TASP1: variants seen among roughly 807,000 people sequenced by gnomAD.
TASP1 encodes taspase 1, also known as threonine aspartase 1.
A neutral mutation model predicts 56.6 loss-of-function variants in TASP1; 16 were observed. The ratio of observed to expected loss-of-function variants is 0.28; its 90% confidence interval spans 0.19 to 0.43. The LOEUF (loss-of-function observed/expected upper bound fraction) is 0.43. Among genes scored for constraint, TASP1 ranks in the 20% least tolerant of loss-of-function variants. The pLI, the probability that TASP1 is intolerant of heterozygous loss-of-function variation, is 1.00. For missense variants in TASP1, 393 were observed against 511.6 expected (o/e 0.77, Z 2.24); for synonymous variants, 179 against 184.2 (o/e 0.97, Z 0.23).
intron 10 of TASP1, among the ~76,000 whole-genome samples, chr20:13,519,486 T>C (rs1330686979): frequency 6.6e-6 from 1 of 152,176 alleles, no homozygotes; most frequent in Admixed American, 6.6e-5. Context: ...TCAATAAATG[T>C]AATCCAGCAT....
chr20:13,588,327 AGG>A, intron 4 of TASP1, among the ~76,000 whole-genome samples: 1 of 150,924 alleles, frequency 6.6e-6, no homozygotes, highest in Non-Finnish European at 1.5e-5. Flanking sequence ...AAAGGAAGGA[AGG>A]AAGGAAGGAA....
intron 4 of TASP1, chr20:13,617,032 CT>C: frequency 2.2e-6 from 1 of 454,796 alleles, no homozygotes; most frequent in Non-Finnish European, 4.4e-6. Context: ...GGTGGAAATT[CT>C]TGGGAGAGGT....
chr20:13,576,334 AAAGAAAGG>A (rs1194421122), intron 6 of TASP1, among the ~76,000 whole-genome samples: 30 of 134,172 alleles, frequency 2.2e-4, no homozygotes, highest in Middle Eastern at 3.6e-3. Context: ...AAAGAGAAAG[AAAGAAAGG>A]AAGAAAGAAA....
At chr20:13,159,659 C>A in the TASP1 span, among the ~76,000 whole-genome samples, 2 of 152,156 alleles carry the variant, frequency 1.3e-5, no homozygotes, top group Non-Finnish European at 2.9e-5. Flanking sequence ...AGGGACCCTG[C>A]AGATGGATTT....
chr20:13,476,765 G>T (rs1179939676), intron 11 of TASP1, among the ~76,000 whole-genome samples: 1 of 151,954 alleles, frequency 6.6e-6, no homozygotes, highest in Non-Finnish European at 1.5e-5. Context: ...AAAGAGATAC[G>T]CTTAATTTAT....
chr20:13,280,774 G>T, the TASP1 span, among the ~76,000 whole-genome samples: 1 of 152,230 alleles, frequency 6.6e-6, no homozygotes, highest in African/African-American at 2.4e-5. Context: ...CTTGGTGCAA[G>T]GGAGGCTGGG....
chr20:13,626,111 C>T (rs2048876914), intron 2 of TASP1, among the ~76,000 whole-genome samples: 1 of 152,116 alleles, frequency 6.6e-6, no homozygotes, highest in Non-Finnish European at 1.5e-5. Flanking sequence ...CATAGGGGTC[C>T]AATGTATGGA....
chr20:13,298,847 C>G, the TASP1 span: 7 of 1,277,042 alleles, frequency 5.5e-6, 1 homozygote, highest in South Asian at 8.6e-5. Context: ...CTCCTGCGGG[C>G]CCTCAGGAGC....
intron 11 of TASP1, among the ~76,000 whole-genome samples, chr20:13,446,659 C>A (rs191703634): frequency 1.2e-4 from 19 of 152,074 alleles, no homozygotes; most frequent in African/African-American, 4.6e-4. Flanking sequence ...AAAAAAAATT[C>A]TTCTTATCAA....
chr20:13,414,885 A>G (rs1475039840), intron 13 of TASP1, among the ~76,000 whole-genome samples: 1 of 152,152 alleles, frequency 6.6e-6, no homozygotes, highest in Middle Eastern at 3.2e-3. Flanking sequence ...TCTGGTTACA[A>G]TGATACTGAT....
chr20:13,478,346 T>C (rs1600932749), intron 11 of TASP1, among the ~76,000 whole-genome samples: 1 of 140,194 alleles, frequency 7.1e-6, no homozygotes, highest in Non-Finnish European at 1.6e-5. Context: ...GAAAATATGA[T>C]ACACACACAC....
At chr20:13,246,397 G>A in the TASP1 span, among the ~76,000 whole-genome samples, 1 of 152,106 alleles carries the variant, frequency 6.6e-6, no homozygotes. Flanking sequence ...CTATCTGTGG[G>A]TACGAAGCAT....
At chr20:13,384,870 G>T (rs1027973199), downstream of TASP1, among the ~76,000 whole-genome samples, 2 of 152,216 alleles carry the variant, frequency 1.3e-5, no homozygotes, top group Non-Finnish European at 2.9e-5. Flanking sequence ...GTTCCTGGGA[G>T]GGGGAGTGGC....
At position 13,569,558 on chromosome 20, in the gene TASP1, A is replaced by G. The variant is rs1270516671; in HGVS notation, c.517T>C (p.Trp173Arg). The change falls in exon 7 of 14, where the codon TGG becomes CGG. Residue 173 changes from tryptophan to arginine, a missense_variant. Transcript: ENST00000337743. Reference sequence around the variant, plus strand: ...GAGGGTATTCCATGATCTACTGCCCATCTGTAGGCTCCTTCTCCAACTAAA... The same window carrying G: ...GAGGGTATTCCATGATCTACTGCCCGTCTGTAGGCTCCTTCTCCAACTAAA... ...CFLVGEGAYRWAVDHGIPSCP... is the reference protein window; with the variant it reads ...CFLVGEGAYRRAVDHGIPSCP... The G allele has an allele frequency of 1.2e-6, 2 of 1,612,616 alleles. No homozygotes were observed. The highest frequency in any genetic ancestry group is 3.3e-5 in the Admixed American group (2 of 59,992).
the TASP1 span, among the ~76,000 whole-genome samples, chr20:13,190,825 A>G: frequency 1.3e-5 from 2 of 152,204 alleles, no homozygotes; most frequent in African/African-American, 4.8e-5. Flanking sequence ...AATACTTGCA[A>G]TATATCTCTT....
At chr20:13,213,810 T>C in the TASP1 span, among the ~76,000 whole-genome samples, 2 of 152,150 alleles carry the variant, frequency 1.3e-5, no homozygotes, top group Non-Finnish European at 2.9e-5. Context: ...AACATAACAT[T>C]ATCCAGGCAG....
At chr20:13,590,115 G>A (rs898715735) in intron 4 of TASP1, among the ~76,000 whole-genome samples, 4 of 151,874 alleles carry the variant, frequency 2.6e-5, no homozygotes, top group Admixed American at 6.6e-5. Context: ...ATCTGTAATC[G>A]CAGCTACTCA....
At chr20:13,541,160 G>C (rs2045606722) in intron 8 of TASP1, among the ~76,000 whole-genome samples, 1 of 151,450 alleles carries the variant, frequency 6.6e-6, no homozygotes, top group South Asian at 2.1e-4. Context: ...TTCCAGCACT[G>C]ATAGAAAACA....
At chr20:13,565,521 T>C (rs533905759) in intron 7 of TASP1, among the ~76,000 whole-genome samples, 6 of 151,982 alleles carry the variant, frequency 3.9e-5, no homozygotes, top group African/African-American at 1.2e-4. Context: ...GATTGAAAAA[T>C]AGGCAAAGGA....
Sources: allele counts gnomAD v4.1 joint callset (sites outside exome capture counted in the v4.1 genomes callset), GRCh38; gene constraint gnomAD v4.1.1; transcripts MANE v1.5; gene names NCBI Gene and HGNC (gene_info 2026-07-23, HGNC 2026-07-21).